Variants in SLC8A1 observed in about 807,000 individuals in gnomAD.
SLC8A1 encodes solute carrier family 8 member A1.
Under a neutral mutation model 68.3 loss-of-function variants are expected in SLC8A1, and 18 were observed. That is an observed-to-expected ratio of 0.26 (90% CI 0.18 to 0.39). The LOEUF (loss-of-function observed/expected upper bound fraction) is 0.39, where lower values mean the gene tolerates loss of function less well. SLC8A1 is among the 10% of genes least tolerant of loss of function. The pLI is 1.00. For synonymous variants in SLC8A1, 475 were observed against 415.5 expected, an observed-to-expected ratio of 1.14 and a Z score of -1.74; for missense variants, 985 against 1,156.7, an observed-to-expected ratio of 0.85 and a Z score of 2.15.
At chr2:40,194,320 C>T (rs1464724199) in intron 2 of SLC8A1, among the ~76,000 whole-genome samples, 2 of 152,018 alleles carry the variant, frequency 1.3e-5, no homozygotes, top group African/African-American at 4.8e-5. Flanking sequence ...ATTACATTAT[C>T]TTCTACAGTA....
chr2:40,232,852 G>A (rs1375379666), intron 2 of SLC8A1, among the ~76,000 whole-genome samples: 1 of 143,234 alleles, frequency 7.0e-6, no homozygotes, highest in African/African-American at 2.6e-5. Context: ...TGCGGTGTTT[G>A]GTTTTTTGTT....
rs1167205385 is a variant in SLC8A1, at chr2:40,253,040, AGTATAT to A, written c.1809-75191_1809-75186del. Among the ~76,000 whole-genome samples, 8 of 87,722 alleles carry A rather than the reference AGTATAT, an allele frequency of 9.1e-5. No homozygotes were observed. In the East Asian group the frequency reaches 2.1e-3, roughly 23 times the overall value. 57.5% of individuals were successfully genotyped at this position (87,722 alleles called of 152,430 possible). On this transcript the variant is annotated intron_variant, in intron 2 of 7. Coordinates refer to ENST00000406785, the Ensembl canonical transcript of SLC8A1. ...GTATATATGTATATACATATGTATC[AGTATAT>A]GTATATATGTACATGTATATACTAT...
At chr2:40,190,913 C>T (rs1313868486) in intron 2 of SLC8A1, 3 of 152,076 alleles carry the variant, frequency 2.0e-5, no homozygotes, top group Admixed American at 1.3e-4. Context: ...TACCACTAGA[C>T]GTGGTCAATA....
chr2:40,277,695 CAAT>C (rs1183035366), intron 2 of SLC8A1, among the ~76,000 whole-genome samples: 1 of 149,974 alleles, frequency 6.7e-6, no homozygotes, highest in African/African-American at 2.5e-5. Flanking sequence ...GTAATAAAAT[CAAT>C]AATACTTATC....
At chr2:40,487,097 G>A (rs1379557094) in intron 1 of SLC8A1, among the ~76,000 whole-genome samples, 1 of 151,976 alleles carries the variant, frequency 6.6e-6, no homozygotes, top group African/African-American at 2.4e-5. Context: ...TTGAGCAGAA[G>A]TTGGTATTGT....
chr2:40,419,620 C>T (rs1335679603), intron 2 of SLC8A1, among the ~76,000 whole-genome samples: 7 of 152,096 alleles, frequency 4.6e-5, no homozygotes. Context: ...GATATACACA[C>T]TGAACTGAAT....
At chr2:40,452,929 G>C (rs7609367), upstream of SLC8A1, among the ~76,000 whole-genome samples, 25,650 of 151,988 alleles carry the variant, frequency 0.17, 2,262 homozygotes, top group Middle Eastern at 0.26. Flanking sequence ...AAGGTTGAGT[G>C]GGAAAAAACC....
chr2:40,304,634 G>T (rs988265011), intron 2 of SLC8A1, among the ~76,000 whole-genome samples: 8 of 152,072 alleles, frequency 5.3e-5, no homozygotes, highest in African/African-American at 1.4e-4. Flanking sequence ...TCTTCAACAT[G>T]AACTGCCTAG....
intron 2 of SLC8A1, among the ~76,000 whole-genome samples, chr2:40,426,357 A>G (rs1252109515): frequency 6.6e-6 from 1 of 151,992 alleles, no homozygotes; most frequent in Admixed American, 6.6e-5. Context: ...CAACTCCACC[A>G]ATGTTTACCA....
At chr2:40,231,690 A>G (rs1432658370) in intron 2 of SLC8A1, among the ~76,000 whole-genome samples, 1 of 152,112 alleles carries the variant, frequency 6.6e-6, no homozygotes. Flanking sequence ...TCTTTCACAT[A>G]AATCGCACTT....
At chr2:40,390,680 C>T (rs2373859) in intron 2 of SLC8A1, among the ~76,000 whole-genome samples, 109,124 of 152,016 alleles carry the variant, frequency 0.72, 40,730 homozygotes, top group African/African-American at 0.93. Flanking sequence ...TTTTCACATA[C>T]ACATAGTCCA....
At chr2:40,103,365 G>C (rs1283181858) in exon 8 of SLC8A1, 1 of 152,132 alleles carries the variant, frequency 6.6e-6, no homozygotes, top group Non-Finnish European at 1.5e-5. Flanking sequence ...CTAAGGGTGA[G>C]ATTTAAGTCT....
intron 2 of SLC8A1, among the ~76,000 whole-genome samples, chr2:40,303,905 C>A (rs999853634): frequency 1.3e-5 from 2 of 152,174 alleles, no homozygotes; most frequent in South Asian, 2.1e-4. Flanking sequence ...CTAACCACCA[C>A]AGTCTGGGCA....
intron 6 of SLC8A1, among the ~76,000 whole-genome samples, chr2:40,148,966 C>A (rs1335934497): frequency 6.6e-6 from 1 of 152,152 alleles, no homozygotes; most frequent in African/African-American, 2.4e-5. Flanking sequence ...AAATAGTAAC[C>A]ATGCATCACG....
At chr2:40,256,297 A>G (rs1258841228) in intron 2 of SLC8A1, among the ~76,000 whole-genome samples, 1 of 152,178 alleles carries the variant, frequency 6.6e-6, no homozygotes, top group Non-Finnish European at 1.5e-5. Context: ...TCCTTTTTTG[A>G]GACGGCTGCC....
At chr2:40,395,142 G>C (rs1388073722) in intron 2 of SLC8A1, among the ~76,000 whole-genome samples, 1 of 152,080 alleles carries the variant, frequency 6.6e-6, no homozygotes, top group Non-Finnish European at 1.5e-5. Context: ...TGAGGGTAGG[G>C]GAACAACAAC....
intron 7 of SLC8A1, among the ~76,000 whole-genome samples, chr2:40,117,852 T>C (rs1196386108): frequency 6.6e-6 from 1 of 152,192 alleles, no homozygotes. Flanking sequence ...GTACAGCATG[T>C]AAATATAGAT....
At chr2:40,161,821 G>A (rs138430242) in intron 5 of SLC8A1, among the ~76,000 whole-genome samples, 155 of 152,290 alleles carry the variant, frequency 1.0e-3, no homozygotes, top group African/African-American at 3.5e-3. Context: ...GAGCATCCTT[G>A]AATTTCCACT....
chr2:40,216,989 G>A lies in SLC8A1; in HGVS notation c.1809-39134C>T, dbSNP rs556900933. Among the ~76,000 whole-genome samples the A allele has an allele frequency of 1.9e-4, 29 of 152,278 alleles. No homozygotes were observed. The South Asian group carries it at 6.0e-3, about 32-fold the overall frequency. ...GGATAGTTTCTTTTGCTATGCCGAA[G>A]CTTTTTAGTTTAATTGGATCCCATT... On this transcript the variant is annotated intron_variant, in intron 2 of 7. Transcript: ENST00000406785.
Sources: gnomAD v4.1 joint callset for allele counts (sites outside exome capture counted in the v4.1 genomes callset) on GRCh38, gnomAD v4.1.1 for gene constraint, MANE v1.5 for transcripts, NCBI Gene and HGNC (gene_info 2026-07-23, HGNC 2026-07-21) for gene names.